Variants in BICC1 observed in about 807,000 individuals in gnomAD.
BICC1 encodes the protein BicC family RNA binding protein 1, also known as protein bicaudal C homolog 1.
BICC1 carries 43 observed loss-of-function variants against 111.0 expected under a neutral mutation model. The ratio of observed to expected loss-of-function variants is 0.39; its 90% CI spans 0.30 to 0.50. The LOEUF (loss-of-function observed/expected upper bound fraction) is 0.50, where lower values mean the gene tolerates loss of function less well. Ranked by LOEUF, BICC1 falls within the 20% of genes least tolerant of loss-of-function variation. The pLI, the probability that BICC1 is intolerant of heterozygous loss-of-function variation, is 0.88. For synonymous variants in BICC1, 467 were observed against 434.4 expected (o/e 1.07, Z -0.93); for missense variants, 1,091 against 1,203.2 (o/e 0.91, Z 1.38).
At chr10:58,611,562 G>A (rs1448622912) in intron 1 of BICC1, among the ~76,000 whole-genome samples, 2 of 150,624 alleles carry the variant, frequency 1.3e-5, no homozygotes, top group African/African-American at 2.4e-5. Context: ...TGCAACCTCC[G>A]CCTCCCAGGT....
At chr10:58,598,193 T>G (rs1011619077) in intron 1 of BICC1, among the ~76,000 whole-genome samples, 1 of 152,122 alleles carries the variant, frequency 6.6e-6, no homozygotes, top group African/African-American at 2.4e-5. Context: ...AGAGCCTGCA[T>G]AGCCAAGACA....
chr10:58,571,894 C>A (rs1027186770), intron 1 of BICC1, among the ~76,000 whole-genome samples: 1 of 152,114 alleles, frequency 6.6e-6, no homozygotes, highest in Non-Finnish European at 1.5e-5. Context: ...GCCTCTAGGT[C>A]TTTGAGGAAT....
chr10:58,829,901 T>C lies in BICC1; in HGVS notation c.*1010T>C, dbSNP rs1844509404. 6.6e-6 allele frequency: 1 copy of C among 152,182 alleles called. No individual in the cohort carries two copies. The highest frequency in any genetic ancestry group is 2.1e-4 in the South Asian group (1 of 4,828). The allele number at this position is 152,182 out of a possible 1,614,324, so 9.4% of individuals were successfully genotyped here. On this transcript the variant is annotated 3_prime_UTR_variant, in exon 21 of 21. Coordinates refer to ENST00000373886, the MANE Select transcript of BICC1 (RefSeq NM_001080512.3). ...ATGGTAGAGAATGGACGACATTCAA[T>C]AACTGGAGCCCGAGATTGTCACTTT...
chr10:58,663,820 T>C (rs1309093429), intron 2 of BICC1, among the ~76,000 whole-genome samples: 1 of 152,212 alleles, frequency 6.6e-6, no homozygotes, highest in Non-Finnish European at 1.5e-5. Context: ...TAGAATCATA[T>C]GCTATAGTCT....
intron 1 of BICC1, among the ~76,000 whole-genome samples, chr10:58,523,170 T>C (rs1842438142): frequency 6.6e-6 from 1 of 151,998 alleles, no homozygotes; most frequent in Non-Finnish European, 1.5e-5. Flanking sequence ...TTCCAATCAA[T>C]AGAAAAAGAG....
chr10:58,598,429 T>C (rs1273714884), intron 1 of BICC1, among the ~76,000 whole-genome samples: 3 of 152,104 alleles, frequency 2.0e-5, no homozygotes, highest in Non-Finnish European at 4.4e-5. Context: ...ATTTAATAAA[T>C]GTTGTTGGGA....
chr10:58,661,378 C>T (rs1023762067), intron 2 of BICC1, among the ~76,000 whole-genome samples: 2 of 152,018 alleles, frequency 1.3e-5, no homozygotes, highest in Non-Finnish European at 1.5e-5. Flanking sequence ...ACCCCACCTC[C>T]TTTAGGAAAA....
At chr10:58,549,388 G>A (rs143445499) in intron 1 of BICC1, among the ~76,000 whole-genome samples, 1 of 152,254 alleles carries the variant, frequency 6.6e-6, no homozygotes, top group East Asian at 1.9e-4. Context: ...ATTTGGAATG[G>A]TATACAGCTT....
At chr10:58,561,652 A>G (rs543725554) in intron 1 of BICC1, among the ~76,000 whole-genome samples, 2 of 151,604 alleles carry the variant, frequency 1.3e-5, no homozygotes, top group East Asian at 3.9e-4. Context: ...CTTATTGTTT[A>G]TCTTTGGTGG....
intron 1 of BICC1, among the ~76,000 whole-genome samples, chr10:58,551,475 T>TTAA (rs1238680592): frequency 6.6e-6 from 1 of 150,750 alleles, no homozygotes; most frequent in Non-Finnish European, 1.5e-5. Flanking sequence ...CCTTACATAC[T>TTAA]TAATTTTTGT....
At chr10:58,555,911 C>T (rs546873921) in intron 1 of BICC1, among the ~76,000 whole-genome samples, 36 of 152,202 alleles carry the variant, frequency 2.4e-4, no homozygotes, top group African/African-American at 5.8e-4. Context: ...ACTAAGGACC[C>T]GAACTGTCAT....
intron 2 of BICC1, among the ~76,000 whole-genome samples, chr10:58,640,399 T>C (rs1838087727): frequency 6.6e-6 from 1 of 152,238 alleles, no homozygotes; most frequent in Non-Finnish European, 1.5e-5. Context: ...TCCTTATCCA[T>C]ACTGAAGAAA....
In BICC1 at chr10:58,586,884, C is replaced by T. The variant is rs147506520; in HGVS notation, c.191-33971C>T. On this transcript the variant is annotated intron_variant, in intron 1 of 20. Coordinates refer to ENST00000373886, the MANE Select transcript of BICC1 (RefSeq NM_001080512.3). The stretch of plus-strand genomic sequence containing the variant: ...GAGGGTGATTTCAGGAATCAGGCAT[C>T]AACCAATATTATGAACTTGTAGCCA... Among the ~76,000 whole-genome samples the T allele has an allele frequency of 2.8e-4, 43 of 152,228 alleles. No individual in the cohort carries two copies. The East Asian group carries it at 8.3e-3, about 29-fold the overall frequency.
At chr10:58,537,346 A>G (rs1040800854) in intron 1 of BICC1, among the ~76,000 whole-genome samples, 4 of 110,532 alleles carry the variant, frequency 3.6e-5, no homozygotes, top group Non-Finnish European at 6.1e-5. Context: ...ATGAACTAGA[A>G]CAAAAAAAAA....
intron 1 of BICC1, among the ~76,000 whole-genome samples, chr10:58,560,732 A>T (rs924169903): frequency 2.0e-5 from 3 of 151,940 alleles, no homozygotes; most frequent in Non-Finnish European, 4.4e-5. Context: ...TGTATCCCAT[A>T]GATTTTGGTA....
chr10:58,680,289 G>A (rs1031901239), intron 2 of BICC1, among the ~76,000 whole-genome samples: 1 of 151,882 alleles, frequency 6.6e-6, no homozygotes, highest in East Asian at 1.9e-4. Context: ...GGAAAACCCC[G>A]TCATCTCAGC....
intron 3 of BICC1, among the ~76,000 whole-genome samples, chr10:58,765,711 C>A (rs2132700710): frequency 1.3e-5 from 2 of 152,234 alleles, no homozygotes; most frequent in South Asian, 4.1e-4. Context: ...ATTTTGTATT[C>A]TAAGATGAGG....
chr10:58,673,010 C>T (rs1228207077), intron 2 of BICC1, among the ~76,000 whole-genome samples: 1 of 152,114 alleles, frequency 6.6e-6, no homozygotes, highest in Non-Finnish European at 1.5e-5. Flanking sequence ...TCTAATTCTG[C>T]ACTGTTGCAG....
chr10:58,751,900 A>G (rs1019335687), intron 3 of BICC1, among the ~76,000 whole-genome samples: 24 of 152,162 alleles, frequency 1.6e-4, no homozygotes, highest in Middle Eastern at 3.2e-3. Flanking sequence ...TGTACATATA[A>G]CATACCTATA....
Sources: gnomAD v4.1 joint callset for allele counts (sites outside exome capture counted in the v4.1 genomes callset) on GRCh38, gnomAD v4.1.1 for gene constraint, MANE v1.5 for transcripts, NCBI Gene and HGNC (gene_info 2026-07-23, HGNC 2026-07-21) for gene names.